The following PRKN variants were observed in gnomAD, a reference collection of about 807,000 sequenced individuals.
PRKN encodes the protein E3 ubiquitin-protein ligase parkin.
A neutral mutation model predicts 59.5 loss-of-function variants in PRKN; 56 were observed. The observed-to-expected ratio is 0.94, with a 90% confidence interval of 0.76 to 1.18. PRKN has a LOEUF of 1.18. Ranked by LOEUF, PRKN falls within the 50% of genes most tolerant of loss-of-function variation. PRKN has a pLI of 0.00. For synonymous variants in PRKN, 250 were observed against 222.1 expected, an observed-to-expected ratio of 1.13 and a Z score of -1.12; for missense variants, 657 against 596.4, an observed-to-expected ratio of 1.10 and a Z score of -1.06.
chr6:161,505,812 G>A (rs1215563991), intron 9 of PRKN, among the ~76,000 whole-genome samples: 4 of 130,374 alleles, frequency 3.1e-5, no homozygotes, highest in Non-Finnish European at 4.9e-5. Flanking sequence ...TTTTTCTCAG[G>A]TTTGTCAAAG....
chr6:162,335,872 G>T (rs1469299012), intron 2 of PRKN, among the ~76,000 whole-genome samples: 1 of 151,706 alleles, frequency 6.6e-6, no homozygotes, highest in Non-Finnish European at 1.5e-5. Flanking sequence ...AGGGGCCCTG[G>T]GACTTGAGAC....
chr6:162,098,750 T>C (rs1201864695), intron 4 of PRKN, among the ~76,000 whole-genome samples: 4 of 152,244 alleles, frequency 2.6e-5, no homozygotes, highest in Non-Finnish European at 5.9e-5. Context: ...ATTTCTTCCA[T>C]GTACTTGTGA....
chr6:162,027,058 T>C (rs1298338012), intron 5 of PRKN, among the ~76,000 whole-genome samples: 1 of 152,174 alleles, frequency 6.6e-6, no homozygotes, highest in African/African-American at 2.4e-5. Flanking sequence ...TCACGTGGTA[T>C]GCTGCGGTCT....
intron 9 of PRKN, among the ~76,000 whole-genome samples, chr6:161,507,839 C>G (rs990684724): frequency 9.9e-5 from 15 of 152,166 alleles, no homozygotes; most frequent in Admixed American, 2.0e-4. Flanking sequence ...TGAATCACTC[C>G]CTGACCACCC....
intron 1 of PRKN, among the ~76,000 whole-genome samples, chr6:162,720,816 C>A (rs1375355646): frequency 6.6e-6 from 1 of 152,144 alleles, no homozygotes; most frequent in African/African-American, 2.4e-5. Flanking sequence ...AGAAACTATT[C>A]TGCACTATTC....
chr6:162,102,107 G>A (rs957695482), intron 4 of PRKN, among the ~76,000 whole-genome samples: 2 of 152,096 alleles, frequency 1.3e-5, no homozygotes, highest in African/African-American at 4.8e-5. Flanking sequence ...CGTGTGCCAC[G>A]GTGGTTTGCT....
chr6:162,550,505 A>T (rs1023190142), intron 1 of PRKN, among the ~76,000 whole-genome samples: 2 of 152,120 alleles, frequency 1.3e-5, no homozygotes, highest in Admixed American at 6.5e-5. Flanking sequence ...GAGCTGAAGT[A>T]AACACCCCCA....
intron 4 of PRKN, among the ~76,000 whole-genome samples, chr6:162,119,588 GT>G (rs1780820416): frequency 6.6e-6 from 1 of 152,088 alleles, no homozygotes; most frequent in Non-Finnish European, 1.5e-5. Flanking sequence ...ATGAGCTCAA[GT>G]TCCCCAGCAG....
chr6:162,194,688 C>CT (rs1784423013), intron 4 of PRKN, among the ~76,000 whole-genome samples: 1 of 151,614 alleles, frequency 6.6e-6, no homozygotes, highest in Non-Finnish European at 1.5e-5. Flanking sequence ...TATGGTAATC[C>CT]TTTTTTATAT....
chr6:162,020,383 A>G (rs1783100241), intron 5 of PRKN, among the ~76,000 whole-genome samples: 1 of 151,852 alleles, frequency 6.6e-6, no homozygotes, highest in African/African-American at 2.4e-5. Flanking sequence ...GAAACATACA[A>G]ATGATGTCTG....
chr6:161,771,371 ATAAAAT>A (rs1562670852), intron 7 of PRKN, among the ~76,000 whole-genome samples: 1 of 129,986 alleles, frequency 7.7e-6, no homozygotes, highest in Non-Finnish European at 1.6e-5. Flanking sequence ...AAAAAAAAAA[ATAAAAT>A]AAAATAAAAT....
chr6:162,332,489 C>T (rs1374979077), intron 2 of PRKN, among the ~76,000 whole-genome samples: 2 of 152,158 alleles, frequency 1.3e-5, no homozygotes, highest in Non-Finnish European at 2.9e-5. Context: ...GCCATTCCTG[C>T]TCCCTTGGAT....
intron 6 of PRKN, among the ~76,000 whole-genome samples, chr6:161,935,554 C>CAAAAAAAAA (rs773798640): frequency 2.4e-5 from 2 of 82,642 alleles, no homozygotes. Context: ...ACCTTGTTTC[C>CAAAAAAAAA]AAAAAAAAAA....
chr6:162,006,505 C>A (rs935839130), intron 5 of PRKN, among the ~76,000 whole-genome samples: 1 of 152,178 alleles, frequency 6.6e-6, no homozygotes, highest in Non-Finnish European at 1.5e-5. Context: ...TTGGAAAACA[C>A]AATCCAGATT....
At chr6:161,501,660 G>T (rs2115303605) in intron 9 of PRKN, among the ~76,000 whole-genome samples, 1 of 152,160 alleles carries the variant, frequency 6.6e-6, no homozygotes, top group Middle Eastern at 3.4e-3. Context: ...TGACTTGTCT[G>T]CCATCTGCAA....
intron 1 of PRKN, among the ~76,000 whole-genome samples, chr6:162,450,566 G>T (rs1359241781): frequency 6.6e-6 from 1 of 152,144 alleles, no homozygotes; most frequent in East Asian, 1.9e-4. Flanking sequence ...GTTTACCCTT[G>T]ACACAGTGTG....
intron 2 of PRKN, among the ~76,000 whole-genome samples, chr6:162,392,477 T>G (rs575691456): frequency 6.6e-6 from 1 of 152,282 alleles, no homozygotes; most frequent in South Asian, 2.1e-4. Context: ...TGTCTCTGAT[T>G]CTACAACTTA....
At chr6:162,644,242 C>A (rs545112805) in intron 1 of PRKN, among the ~76,000 whole-genome samples, 1 of 152,284 alleles carries the variant, frequency 6.6e-6, no homozygotes, top group African/African-American at 2.4e-5. Flanking sequence ...TACTAAGCCC[C>A]ACCCTCACAG....
At chr6:162,030,220 A>G (rs1015576930) in intron 5 of PRKN, among the ~76,000 whole-genome samples, 2 of 152,044 alleles carry the variant, frequency 1.3e-5, no homozygotes, top group African/African-American at 4.8e-5. Context: ...ATACATCCCT[A>G]CAACTAATAA....
Sources: gnomAD v4.1 joint callset for allele counts (sites outside exome capture counted in the v4.1 genomes callset) on GRCh38, gnomAD v4.1.1 for gene constraint, MANE v1.5 for transcripts, NCBI Gene and HGNC (gene_info 2026-07-23, HGNC 2026-07-21) for gene names.